FAM184B: variants seen among roughly 807,000 people sequenced by gnomAD.
The protein encoded by FAM184B is family with sequence similarity 184 member B.
A neutral mutation model predicts 135.9 loss-of-function variants in FAM184B; 111 were observed. The observed-to-expected ratio is 0.82, with a 90% CI of 0.70 to 0.96. The LOEUF is 0.96. Among genes scored for constraint, FAM184B ranks in the 40% least tolerant of loss-of-function variants. The probability of loss-of-function intolerance (pLI) is 0.00; values close to 1 mark genes in which losing one functional copy is unlikely to be tolerated. For missense variants in FAM184B, 1,375 were observed against 1,323.9 expected, an observed-to-expected ratio of 1.04 and a Z score of -0.60; for synonymous variants, 552 against 524.8, an observed-to-expected ratio of 1.05 and a Z score of -0.71.
chr4:17,705,658 C>T, intron 4 of FAM184B, 94 bp downstream of exon 4: 1 of 1,414,482 alleles, frequency 7.1e-7, no homozygotes, highest in Non-Finnish European at 9.5e-7. Context: ...CAAGTGGATC[C>T]ACTATGCTTG....
chr4:17,747,543 G>A (rs977746769), intron 1 of FAM184B, among the ~76,000 whole-genome samples: 4 of 152,150 alleles, frequency 2.6e-5, no homozygotes, highest in African/African-American at 9.7e-5. Flanking sequence ...TGTAATCCTA[G>A]CACTTTGGGA....
At chr4:17,709,765 G>T in intron 1 of FAM184B, 121 bp from the exon 2 acceptor site, 1 of 888,432 alleles carries the variant, frequency 1.1e-6, no homozygotes, top group Non-Finnish European at 1.6e-6. Context: ...CTGAGAAGAG[G>T]ATTTGCGTGC....
rs535350638 is a variant in FAM184B, at chr4:17,660,151, G to A, written c.1695-64C>T. 2.7e-5 allele frequency: 41 copies of A among 1,517,350 alleles called. No individual in the cohort carries two copies. In the South Asian group the frequency reaches 3.4e-4, roughly 13 times the overall value. 94.0% of individuals were successfully genotyped at this position (1,517,350 alleles called of 1,614,324 possible). On this transcript the variant is annotated intron_variant, in intron 8 of 17. Coordinates refer to ENST00000265018, the MANE Select transcript of FAM184B (RefSeq NM_015688.2). ...GGGCTAGGAATGACACTGCCACTCC[G>A]ATAACGTGCCAGCCACTGTGCCTGG... is the stretch of plus-strand genomic sequence containing the variant.
intron 1 of FAM184B, among the ~76,000 whole-genome samples, chr4:17,750,450 C>T (rs1718267790): frequency 6.6e-6 from 1 of 152,118 alleles, no homozygotes; most frequent in Non-Finnish European, 1.5e-5. Flanking sequence ...TTCATTCATC[C>T]TGCTTCATAT....
At chr4:17,656,793 A>G (rs1484713438) in intron 10 of FAM184B, among the ~76,000 whole-genome samples, 1 of 152,208 alleles carries the variant, frequency 6.6e-6, no homozygotes, top group African/African-American at 2.4e-5. Context: ...AAGGAAAATA[A>G]GCAGCCTCCT....
At chr4:17,771,615 C>T (rs1349323115) in intron 1 of FAM184B, among the ~76,000 whole-genome samples, 1 of 152,114 alleles carries the variant, frequency 6.6e-6, no homozygotes, top group African/African-American at 2.4e-5. Context: ...CGAGAGGAGC[C>T]AGTGGGTGCC....
rs1715349368 is a variant in FAM184B at position 17,642,416 on chromosome 4, G to T, written c.2347-188C>A. 2.6e-5 allele frequency among the ~76,000 whole-genome samples: 4 copies of T among 152,328 alleles called. No individual in the cohort carries two copies. The South Asian group carries it at 8.3e-4, about 32-fold the overall frequency. ...TCTTAAAAAATTTCCTCCTTTGGGA[G>T]TTGGCCAAATCTGGCCCTTAGAGTT... On this transcript the variant is annotated intron_variant, in intron 12 of 17. Transcript: ENST00000265018.
At position 17,682,461 on chromosome 4, in the gene FAM184B, C is replaced by A. The variant is rs189418005; in HGVS notation, c.1596+5963G>T. ...TCTCAGTTGACATTATTATTTTTAT[C>A]TCTCTCTCTCTCTTTTAGATTTCTT... On this transcript the variant is annotated intron_variant, in intron 7 of 17. Transcript: ENST00000265018. Among the ~76,000 whole-genome samples the A allele has an allele frequency of 1.3e-3, 198 of 151,622 alleles. 1 individual carries two copies. The highest frequency in any genetic ancestry group is 1.5e-4 in the Non-Finnish European group (10 of 67,850).
At position 17,781,120 on chromosome 4, in the gene FAM184B, C is replaced by G. The variant is rs1358008641; in HGVS notation, c.141+39G>C. The G allele has an allele frequency of 4.7e-6, 7 of 1,479,070 alleles. No individual in the cohort carries two copies. Among genetic ancestry groups the G allele is most frequent in the Middle Eastern group, 2.1e-4 (1 of 4,754 alleles). The allele number at this position is 1,479,070 out of a possible 1,614,324, so 91.6% of individuals were successfully genotyped here. A position where few individuals can be genotyped will look rare whatever the true frequency, so the allele number is the denominator to read the frequency against. On this transcript the variant is annotated intron_variant, in intron 1 of 17. Transcript: ENST00000265018. The surrounding 1 kb of genome is among the most constrained non-coding windows in gnomAD (Gnocchi z 6.5). ...GCACTGACTCCCGGCTCGGGCGCCC[C>G]GGGCGTGCAGCTCGCTGGCCCGCTG...
At chr4:17,775,764 A>T (rs1718913093) in intron 1 of FAM184B, among the ~76,000 whole-genome samples, 2 of 152,214 alleles carry the variant, frequency 1.3e-5, no homozygotes, top group Admixed American at 1.3e-4. Flanking sequence ...CAAATATCAC[A>T]TGTTCTCACT....
chr4:17,635,891 G>A (rs888558357), intron 15 of FAM184B, among the ~76,000 whole-genome samples: 2 of 152,122 alleles, frequency 1.3e-5, no homozygotes, highest in African/African-American at 2.4e-5. Flanking sequence ...GTAGAAAACA[G>A]GTGGTCATTT....
At chr4:17,755,257 A>C (rs914245287) in intron 1 of FAM184B, among the ~76,000 whole-genome samples, 1 of 152,228 alleles carries the variant, frequency 6.6e-6, no homozygotes, top group African/African-American at 2.4e-5. Context: ...CTTCATAAAA[A>C]AGCCTAGAAA....
rs184765991 is a variant in FAM184B at position 17,633,545 on chromosome 4, G to A, written c.3089+144C>T. ...TGTATAACCCATGCTGAAGTTTTCA[G>A]GTAAGTGATTCAGTGTCCCTTGTCT... is the stretch of plus-strand genomic sequence containing the variant. On this transcript the variant is annotated intron_variant, in intron 17 of 17. Transcript: ENST00000265018. 1.2e-3 allele frequency: 893 copies of A among 729,142 alleles called. 2 individuals are homozygous for A. The highest frequency in any genetic ancestry group is 3.0e-3 in the Middle Eastern group (7 of 2,370). The allele number at this position is 729,142 out of a possible 1,614,324, so 45.2% of individuals were successfully genotyped here. A position where few individuals can be genotyped will look rare whatever the true frequency, so the allele number is the denominator to read the frequency against.
chr4:17,753,100 C>T (rs1177450462), intron 1 of FAM184B, among the ~76,000 whole-genome samples: 1 of 152,182 alleles, frequency 6.6e-6, no homozygotes, highest in African/African-American at 2.4e-5. Flanking sequence ...TGACCCCTGC[C>T]CTGACATTTC....
intron 1 of FAM184B, among the ~76,000 whole-genome samples, chr4:17,780,429 C>A (rs966800730): frequency 6.6e-6 from 1 of 152,200 alleles, no homozygotes; most frequent in Non-Finnish European, 1.5e-5. Flanking sequence ...AGAGGGGAGT[C>A]TGTGACAAGG....
chr4:17,656,744 A>T (rs1247646423), intron 10 of FAM184B, among the ~76,000 whole-genome samples: 3 of 152,096 alleles, frequency 2.0e-5, no homozygotes, highest in Non-Finnish European at 4.4e-5. Context: ...TCAGGGGAAT[A>T]TGTGCAGATA....
In FAM184B at chr4:17,632,555, A is replaced by G; in HGVS notation, c.3160T>C (p.Phe1054Leu). The G allele has an allele frequency of 6.4e-7, 1 of 1,551,396 alleles. No individual in the cohort carries two copies. Among genetic ancestry groups the G allele is most frequent in the South Asian group, 1.2e-5 (1 of 84,052 alleles). ...GCTTAGAAAGAAAAGTACTTGGTGAACCATTCCTGGTGCGGAGAGCCCTGT... is the reference window on the plus strand; with the variant it reads ...GCTTAGAAAGAAAAGTACTTGGTGAGCCATTCCTGGTGCGGAGAGCCCTGT... ...QKQGSPHQEWFTKYFSF is the reference protein window; with the variant it reads ...QKQGSPHQEWLTKYFSF Residue 1054 changes from phenylalanine to leucine, a missense_variant, in exon 18 of 18, where the codon TTC becomes CTC. Transcript: ENST00000265018.
chr4:17,744,649 G>T (rs1414214037), intron 1 of FAM184B, among the ~76,000 whole-genome samples: 1 of 151,818 alleles, frequency 6.6e-6, no homozygotes, highest in Non-Finnish European at 1.5e-5. Context: ...GAATCCGGGA[G>T]GCAGAAGTTG....
At chr4:17,707,338 G>C (rs935415705) in intron 3 of FAM184B, among the ~76,000 whole-genome samples, 6 of 152,222 alleles carry the variant, frequency 3.9e-5, no homozygotes, top group Non-Finnish European at 8.8e-5. Context: ...TGTAAGTGGT[G>C]GGGGGTGAAG....
Sources: allele counts gnomAD v4.1 joint callset (sites outside exome capture counted in the v4.1 genomes callset), GRCh38; gene constraint gnomAD v4.1.1; non-coding constraint Gnocchi (gnomAD v3.1); transcripts MANE v1.5; gene names NCBI Gene and HGNC (gene_info 2026-07-23, HGNC 2026-07-21).